The following CACNB2 variants were observed in gnomAD, a reference collection of about 807,000 sequenced individuals.
CACNB2 encodes the protein calcium voltage-gated channel auxiliary subunit beta 2.
A neutral mutation model predicts 73.3 loss-of-function variants in CACNB2; 42 were observed. The ratio of observed to expected loss-of-function variants is 0.57; its 90% confidence interval spans 0.45 to 0.74. The LOEUF (loss-of-function observed/expected upper bound fraction) is 0.74, where lower values mean the gene tolerates loss of function less well. CACNB2 is among the 30% of genes least tolerant of loss of function. The pLI is 0.00. For missense variants in CACNB2, 940 were observed against 853.0 expected, an observed-to-expected ratio of 1.10 and a Z score of -1.27; for synonymous variants, 348 against 310.3, an observed-to-expected ratio of 1.12 and a Z score of -1.28.
intron 2 of CACNB2, among the ~76,000 whole-genome samples, chr10:18,299,538 C>G (rs2039422141): frequency 1.3e-5 from 2 of 152,136 alleles, no homozygotes; most frequent in South Asian, 4.2e-4. Flanking sequence ...TGGTGAAACC[C>G]CATCTCCACA....
intron 3 of CACNB2, among the ~76,000 whole-genome samples, chr10:18,479,531 T>G (rs1227938732): frequency 6.6e-6 from 1 of 152,164 alleles, no homozygotes; most frequent in East Asian, 1.9e-4. Flanking sequence ...ATGGTTTGGC[T>G]CTGTGTCCCC....
At chr10:18,529,335 G>A (rs1356653250) in intron 10 of CACNB2, among the ~76,000 whole-genome samples, 1 of 152,106 alleles carries the variant, frequency 6.6e-6, no homozygotes, top group Non-Finnish European at 1.5e-5. Context: ...CAAATATCAT[G>A]TGGAAGCCCA....
chr10:18,300,325 T>C (rs1239967100), intron 2 of CACNB2, among the ~76,000 whole-genome samples: 2 of 152,138 alleles, frequency 1.3e-5, no homozygotes, highest in Non-Finnish European at 2.9e-5. Context: ...CCCAGCGGTG[T>C]TGTGTATTAA....
intron 3 of CACNB2, among the ~76,000 whole-genome samples, chr10:18,448,205 C>T (rs554412423): frequency 2.8e-4 from 42 of 151,894 alleles, no homozygotes; most frequent in East Asian, 9.8e-4. Context: ...TAGCTTGGGC[C>T]GGGCATGGTG....
chr10:18,301,700 G>A (rs1037291705), intron 2 of CACNB2, among the ~76,000 whole-genome samples: 1 of 150,686 alleles, frequency 6.6e-6, no homozygotes, highest in Admixed American at 6.6e-5. Context: ...CCAGGCTGGA[G>A]TGCAGTGGCA....
chr10:18,483,362 T>C (rs1564602471), intron 3 of CACNB2, among the ~76,000 whole-genome samples: 1 of 151,006 alleles, frequency 6.6e-6, no homozygotes, highest in Non-Finnish European at 1.5e-5. Context: ...GAAACCCCGT[T>C]TCTACTAAAA....
chr10:18,288,317 G>C (rs1028867392), intron 2 of CACNB2, among the ~76,000 whole-genome samples: 1 of 152,122 alleles, frequency 6.6e-6, no homozygotes, highest in Non-Finnish European at 1.5e-5. Context: ...AATTAAATTT[G>C]TCCAGAGTTA....
In CACNB2 at chr10:18,286,309, G is replaced by T. The variant is rs531192485; in HGVS notation, c.214-115615G>T. Among the ~76,000 whole-genome samples the T allele has an allele frequency of 1.1e-4, 16 of 152,080 alleles. No individual in the cohort carries two copies. The South Asian group carries it at 2.9e-3, about 28-fold the overall frequency. The stretch of plus-strand genomic sequence containing the variant: ...AGGCGGGCGGATCACGAGGTCAGGA[G>T]ATCCAGACCATCCTGGCTAACACGG... On this transcript the variant is annotated intron_variant, in intron 2 of 13. Coordinates refer to ENST00000324631, the MANE Select transcript of CACNB2 (RefSeq NM_201596.3).
In CACNB2 at chr10:18,488,549, T is replaced by G. The variant is rs565871369; in HGVS notation, c.334-9806T>G. ...TTGATTTCCTGAACCTCGAGTTTTT[T>G]AAGTGCATCTTTGTACTTAAAAGGA... On this transcript the variant is annotated intron_variant, in intron 3 of 13. Coordinates refer to ENST00000324631, the MANE Select transcript of CACNB2 (RefSeq NM_201596.3). Among the ~76,000 whole-genome samples the G allele has an allele frequency of 4.6e-5, 7 of 151,294 alleles. No individual in the cohort carries two copies. In the East Asian group the frequency reaches 1.4e-3, roughly 30 times the overall value.
chr10:18,219,804 C>T (rs1388518281), intron 2 of CACNB2, among the ~76,000 whole-genome samples: 2 of 149,102 alleles, frequency 1.3e-5, no homozygotes, highest in Non-Finnish European at 3.0e-5. Flanking sequence ...GAGTCTCACT[C>T]TGTCACCCAG....
At chr10:18,532,547 G>A (rs937626647) in intron 10 of CACNB2, among the ~76,000 whole-genome samples, 2 of 151,644 alleles carry the variant, frequency 1.3e-5, no homozygotes, top group African/African-American at 4.8e-5. Context: ...GGTGGCACAT[G>A]CCGGTAATTC....
At chr10:18,287,645 G>C (rs1474179061) in intron 2 of CACNB2, among the ~76,000 whole-genome samples, 1 of 152,166 alleles carries the variant, frequency 6.6e-6, no homozygotes, top group Non-Finnish European at 1.5e-5. Context: ...GAGCCCAAGA[G>C]TTTAAGACCA....
At chr10:18,489,922 G>C (rs2132928602) in intron 3 of CACNB2, among the ~76,000 whole-genome samples, 1 of 152,254 alleles carries the variant, frequency 6.6e-6, no homozygotes, top group South Asian at 2.1e-4. Flanking sequence ...CTGTTGCCCA[G>C]GCTGGAGTGC....
At chr10:18,190,444 G>A (rs1015961314) in intron 2 of CACNB2, among the ~76,000 whole-genome samples, 2 of 152,136 alleles carry the variant, frequency 1.3e-5, no homozygotes, top group East Asian at 1.9e-4. Context: ...GACTTGGAGG[G>A]AATGGTCATG....
intron 9 of CACNB2, among the ~76,000 whole-genome samples, chr10:18,523,251 A>C (rs2052104016): frequency 6.6e-6 from 1 of 152,166 alleles, no homozygotes; most frequent in South Asian, 2.1e-4. Context: ...TAACAAAGGC[A>C]CTGTGTTTTC....
At chr10:18,292,395 C>T (rs1387872139) in intron 2 of CACNB2, among the ~76,000 whole-genome samples, 2 of 152,184 alleles carry the variant, frequency 1.3e-5, no homozygotes, top group East Asian at 1.9e-4. Flanking sequence ...CAGTGGCTCA[C>T]GCCTGTAATC....
intron 11 of CACNB2, among the ~76,000 whole-genome samples, chr10:18,534,831 T>C (rs1006920812): frequency 1.3e-5 from 2 of 152,352 alleles, no homozygotes; most frequent in South Asian, 2.1e-4. Context: ...ATGTTTTTCA[T>C]AGAATACCAT....
chr10:18,162,720 T>G (rs1373463032), intron 2 of CACNB2, among the ~76,000 whole-genome samples: 1 of 152,152 alleles, frequency 6.6e-6, no homozygotes, highest in African/African-American at 2.4e-5. Context: ...AGGGAATTAG[T>G]AAACCAAGGC....
At chr10:18,413,205 C>A (rs1434342510) in intron 3 of CACNB2, among the ~76,000 whole-genome samples, 1 of 152,182 alleles carries the variant, frequency 6.6e-6, no homozygotes, top group Non-Finnish European at 1.5e-5. Flanking sequence ...CTCCTGACCT[C>A]AGGTGATCCA....
Sources: gnomAD v4.1 joint callset for allele counts (sites outside exome capture counted in the v4.1 genomes callset) on GRCh38, gnomAD v4.1.1 for gene constraint, MANE v1.5 for transcripts, NCBI Gene and HGNC (gene_info 2026-07-23, HGNC 2026-07-21) for gene names.